The following KCTD8 variants were observed in gnomAD, a reference collection of about 807,000 sequenced individuals.
The protein encoded by KCTD8 is BTB/POZ domain-containing protein KCTD8.
In KCTD8, 27 loss-of-function variants were observed where a neutral mutation model predicts 31.5. The observed-to-expected ratio is 0.86, with a 90% confidence interval of 0.63 to 1.18. The LOEUF is 1.18. Ranked by LOEUF, KCTD8 falls within the 50% of genes most tolerant of loss-of-function variation. KCTD8 has a pLI of 0.00. For synonymous variants in KCTD8, 290 were observed against 280.0 expected (o/e 1.04, Z -0.36); for missense variants, 658 against 647.7 (o/e 1.02, Z -0.17).
chr4:44,299,992 C>A (rs955760701), intron 1 of KCTD8, among the ~76,000 whole-genome samples: 4 of 151,892 alleles, frequency 2.6e-5, no homozygotes, highest in African/African-American at 9.7e-5. Context: ...ACCTCGTGAC[C>A]ACCCGCCTCG....
At chr4:44,237,213 T>C (rs1049760404) in intron 1 of KCTD8, among the ~76,000 whole-genome samples, 4 of 152,110 alleles carry the variant, frequency 2.6e-5, no homozygotes, top group African/African-American at 9.7e-5. Flanking sequence ...AGGAGCAATA[T>C]GGGAGGAATC....
At chr4:44,306,814 C>T (rs1717818187) in intron 1 of KCTD8, among the ~76,000 whole-genome samples, 1 of 151,916 alleles carries the variant, frequency 6.6e-6, no homozygotes, top group African/African-American at 2.4e-5. Flanking sequence ...GTAAAGAACA[C>T]AGATTTTAAT....
chr4:44,204,672 G>A (rs1331965070), intron 1 of KCTD8, among the ~76,000 whole-genome samples: 1 of 152,020 alleles, frequency 6.6e-6, no homozygotes, highest in Non-Finnish European at 1.5e-5. Context: ...GGTATCTGAG[G>A]GGTTTTGTCT....
intron 1 of KCTD8, among the ~76,000 whole-genome samples, chr4:44,221,605 A>G (rs1714810641): frequency 6.6e-6 from 1 of 152,170 alleles, no homozygotes; most frequent in South Asian, 2.1e-4. Context: ...CTGTGGCAGA[A>G]GGCCCAGAAG....
At chr4:44,248,643 G>A (rs369439380) in intron 1 of KCTD8, among the ~76,000 whole-genome samples, 89 of 151,918 alleles carry the variant, frequency 5.9e-4, no homozygotes, top group African/African-American at 1.9e-3. Flanking sequence ...CTTGCAGTTA[G>A]GTGTGGCCAT....
At chr4:44,379,352 T>C (rs1720000700) in intron 1 of KCTD8, among the ~76,000 whole-genome samples, 1 of 152,164 alleles carries the variant, frequency 6.6e-6, no homozygotes, top group African/African-American at 2.4e-5. Flanking sequence ...TGTGCAGAAC[T>C]GTCCCTAACC....
intron 1 of KCTD8, among the ~76,000 whole-genome samples, chr4:44,358,774 T>C (rs1488368892): frequency 6.6e-6 from 1 of 152,150 alleles, no homozygotes; most frequent in Non-Finnish European, 1.5e-5. Flanking sequence ...TTTCACCATG[T>C]TAGCCAGGAT....
intron 1 of KCTD8, among the ~76,000 whole-genome samples, chr4:44,280,401 ACACT>A (rs1367851623): frequency 2.0e-5 from 3 of 152,014 alleles, no homozygotes; most frequent in Admixed American, 6.6e-5. Flanking sequence ...CTCTCCTCAA[ACACT>A]CAGCTTTTCT....
intron 1 of KCTD8, among the ~76,000 whole-genome samples, chr4:44,291,960 G>GAAAAAAA (rs571458412): frequency 2.3e-5 from 2 of 88,432 alleles, no homozygotes. Flanking sequence ...TGGCTATTAT[G>GAAAAAAA]AAAAAAAAAA....
At chr4:44,447,207 T>C (rs1721964214) in intron 1 of KCTD8, among the ~76,000 whole-genome samples, 1 of 152,232 alleles carries the variant, frequency 6.6e-6, no homozygotes, top group Non-Finnish European at 1.5e-5. Flanking sequence ...GGAGGGTCTA[T>C]GCACCCTGCC....
At chr4:44,347,871 T>C (rs1487592986) in intron 1 of KCTD8, among the ~76,000 whole-genome samples, 1 of 152,114 alleles carries the variant, frequency 6.6e-6, no homozygotes, top group East Asian at 1.9e-4. Context: ...AAGAAATAAT[T>C]AGATACATTT....
chr4:44,352,422 G>C (rs1198434089), intron 1 of KCTD8, among the ~76,000 whole-genome samples: 3 of 150,434 alleles, frequency 2.0e-5, no homozygotes, highest in African/African-American at 7.3e-5. Flanking sequence ...AGAGTAAAAA[G>C]AGAATAGGAC....
At chr4:44,214,820 T>C (rs1714602714) in intron 1 of KCTD8, among the ~76,000 whole-genome samples, 1 of 152,220 alleles carries the variant, frequency 6.6e-6, no homozygotes, top group African/African-American at 2.4e-5. Flanking sequence ...ACTAACCAAT[T>C]AGCCACAAGA....
intron 1 of KCTD8, among the ~76,000 whole-genome samples, chr4:44,393,758 C>T (rs1023744802): frequency 1.3e-5 from 2 of 151,776 alleles, no homozygotes; most frequent in African/African-American, 4.8e-5. Flanking sequence ...ACTAGTTATC[C>T]TCACCTCCTC....
chr4:44,208,582 A>C (rs1305354569), intron 1 of KCTD8, among the ~76,000 whole-genome samples: 3 of 152,174 alleles, frequency 2.0e-5, no homozygotes, highest in African/African-American at 7.2e-5. Context: ...CCAATAGTAC[A>C]ATGTATGCAA....
chr4:44,376,778 T>A (rs535238934), intron 1 of KCTD8, among the ~76,000 whole-genome samples: 1 of 152,246 alleles, frequency 6.6e-6, no homozygotes, highest in Non-Finnish European at 1.5e-5. Flanking sequence ...CTGGAGGAAG[T>A]CAAAGATCAC....
chr4:44,229,696 C>T (rs1288947616), intron 1 of KCTD8, among the ~76,000 whole-genome samples: 1 of 151,288 alleles, frequency 6.6e-6, no homozygotes, highest in Non-Finnish European at 1.5e-5. Flanking sequence ...GTTCTAAAGC[C>T]TTTTTTTTTC....
intron 1 of KCTD8, among the ~76,000 whole-genome samples, chr4:44,378,031 A>AT (rs887339851): frequency 3.3e-5 from 5 of 151,748 alleles, no homozygotes; most frequent in African/African-American, 1.2e-4. Flanking sequence ...TGTAAAGTTA[A>AT]TTTTTTTATT....
At chr4:44,351,073 C>T (rs969220096) in intron 1 of KCTD8, among the ~76,000 whole-genome samples, 3 of 152,130 alleles carry the variant, frequency 2.0e-5, no homozygotes, top group African/African-American at 7.2e-5. Context: ...TAAAGGAATT[C>T]TCTCCCATTT....
Sources: gnomAD v4.1 joint callset for allele counts (sites outside exome capture counted in the v4.1 genomes callset) on GRCh38, gnomAD v4.1.1 for gene constraint, MANE v1.5 for transcripts, NCBI Gene and HGNC (gene_info 2026-07-23, HGNC 2026-07-21) for gene names.